Variants in CPNE8 observed in about 807,000 individuals in gnomAD.
CPNE8 encodes copine 8, also known as copine-8.
Under a neutral mutation model 81.5 loss-of-function variants are expected in CPNE8, and 45 were observed. That is an observed-to-expected ratio of 0.55 (90% CI 0.44 to 0.71). The LOEUF (loss-of-function observed/expected upper bound fraction) is 0.71. Among genes scored for constraint, CPNE8 ranks in the 30% least tolerant of loss-of-function variants. The pLI is 0.00. For missense variants in CPNE8, 594 were observed against 672.1 expected, an observed-to-expected ratio of 0.88 and a Z score of 1.28; for synonymous variants, 252 against 226.3, an observed-to-expected ratio of 1.11 and a Z score of -1.02.
intron 10 of CPNE8, among the ~76,000 whole-genome samples, chr12:38,747,096 C>T (rs1158962482): frequency 6.6e-6 from 1 of 152,304 alleles, no homozygotes; most frequent in Non-Finnish European, 1.5e-5. Flanking sequence ...AGCAACCAGA[C>T]TTTCTCAATT....
chr12:38,809,749 T>C (rs993332723), intron 6 of CPNE8, among the ~76,000 whole-genome samples: 1 of 152,144 alleles, frequency 6.6e-6, no homozygotes, highest in African/African-American at 2.4e-5. Context: ...GTTCCAAATC[T>C]CATCATCTAA....
chr12:38,842,401 GA>G (rs1318398028), intron 4 of CPNE8, among the ~76,000 whole-genome samples: 2 of 151,968 alleles, frequency 1.3e-5, no homozygotes, highest in Non-Finnish European at 2.9e-5. Context: ...GAAGTAAAAG[GA>G]AAATGTTTTC....
At chr12:38,707,227 T>G (rs1940130681) in intron 13 of CPNE8, among the ~76,000 whole-genome samples, 3 of 152,112 alleles carry the variant, frequency 2.0e-5, no homozygotes, top group African/African-American at 7.2e-5. Context: ...GGTGTGATGA[T>G]CTCTTCAGCC....
intron 1 of CPNE8, among the ~76,000 whole-genome samples, chr12:38,887,877 A>T (rs1033204023): frequency 6.6e-6 from 1 of 152,194 alleles, no homozygotes; most frequent in Non-Finnish European, 1.5e-5. Flanking sequence ...TATTTTTCTC[A>T]GTCTCTCCTC....
chr12:38,852,015 C>T (rs376277015), intron 3 of CPNE8, among the ~76,000 whole-genome samples: 1 of 152,192 alleles, frequency 6.6e-6, no homozygotes, highest in Non-Finnish European at 1.5e-5. Context: ...TAAGCCTCTG[C>T]TTAAATGTCA....
At chr12:38,701,392 C>T (rs1473922004) in intron 14 of CPNE8, among the ~76,000 whole-genome samples, 2 of 152,132 alleles carry the variant, frequency 1.3e-5, no homozygotes, top group Non-Finnish European at 2.9e-5. Context: ...TTAATAATTT[C>T]TTGCTTATCT....
chr12:38,675,877 T>C, intron 17 of CPNE8, 103 bp from the exon 18 acceptor site: 2 of 776,354 alleles, frequency 2.6e-6, no homozygotes, highest in Non-Finnish European at 4.3e-6. Context: ...CCCAGCACTG[T>C]GGGAGGCCAA....
chr12:38,873,836 T>C (rs1461782244), intron 2 of CPNE8, among the ~76,000 whole-genome samples: 2 of 152,244 alleles, frequency 1.3e-5, no homozygotes, highest in Admixed American at 1.3e-4. Flanking sequence ...CTTCTCACTT[T>C]ACAAGTTATC....
At chr12:38,762,017 C>T in intron 9 of CPNE8, 95 bp downstream of exon 9, 2 of 538,392 alleles carry the variant, frequency 3.7e-6, no homozygotes, top group Non-Finnish European at 6.1e-6. Context: ...TAAGTTTAAC[C>T]AAATTTTAAT....
intron 8 of CPNE8, among the ~76,000 whole-genome samples, chr12:38,765,605 A>C (rs1430979058): frequency 1.3e-5 from 2 of 152,164 alleles, no homozygotes; most frequent in Non-Finnish European, 2.9e-5. Flanking sequence ...TTGCAGTTAA[A>C]AATGGAGACA....
At chr12:38,793,398 T>G (rs555126260) in intron 6 of CPNE8, among the ~76,000 whole-genome samples, 1 of 151,388 alleles carries the variant, frequency 6.6e-6, no homozygotes, top group Non-Finnish European at 1.5e-5. Flanking sequence ...GGATATAAAA[T>G]CAGTATTAAA....
chr12:38,731,702 A>G (rs1333978152), intron 10 of CPNE8, among the ~76,000 whole-genome samples: 1 of 151,914 alleles, frequency 6.6e-6, no homozygotes, highest in African/African-American at 2.4e-5. Context: ...GCTCTGATAT[A>G]TTCCTATTTA....
chr12:38,806,924 T>A (rs909968967), intron 6 of CPNE8, among the ~76,000 whole-genome samples: 6 of 150,494 alleles, frequency 4.0e-5, no homozygotes, highest in Admixed American at 1.3e-4. Context: ...AAAATCAATG[T>A]ACAAAAATCA....
intron 11 of CPNE8, among the ~76,000 whole-genome samples, chr12:38,727,304 T>C (rs76002770): frequency 6.6e-6 from 1 of 152,292 alleles, no homozygotes; most frequent in South Asian, 2.1e-4. Context: ...ACAGTGGCTG[T>C]GTAAACCAAC....
intron 6 of CPNE8, among the ~76,000 whole-genome samples, chr12:38,787,342 G>A (rs1942216815): frequency 6.6e-6 from 1 of 151,904 alleles, no homozygotes; most frequent in African/African-American, 2.4e-5. Context: ...TTTAAAATAT[G>A]CTCCTGAAAT....
chr12:38,723,979 G>A (rs1028158327), intron 12 of CPNE8, 146 bp from the exon 13 acceptor site: 3 of 524,268 alleles, frequency 5.7e-6, no homozygotes, highest in Non-Finnish European at 1.0e-5. Context: ...AGGACTGATT[G>A]TTCTTACATT....
chr12:38,835,739 T>A (rs1171598533), intron 5 of CPNE8, among the ~76,000 whole-genome samples: 1 of 152,192 alleles, frequency 6.6e-6, no homozygotes, highest in Non-Finnish European at 1.5e-5. Flanking sequence ...TCAAATAAAA[T>A]TTTTAAATAT....
intron 19 of CPNE8, among the ~76,000 whole-genome samples, chr12:38,658,508 T>C (rs1938876465): frequency 6.6e-6 from 1 of 152,106 alleles, no homozygotes; most frequent in Non-Finnish European, 1.5e-5. Context: ...TTCCCCAACC[T>C]AGCAAGGCAA....
In CPNE8 at chr12:38,829,458, G is replaced by A; in HGVS notation, c.331-3C>T. 6.2e-7 allele frequency: 1 copy of A among 1,606,100 alleles called. No homozygotes were observed. The highest frequency in any genetic ancestry group is 1.1e-5 in the South Asian group (1 of 90,752). On this transcript the variant is annotated splice_region_variant and splice_polypyrimidine_tract_variant and intron_variant, in intron 5 of 19. Transcript: ENST00000331366. ...CAAAACACTTGTCCCAGAAAGTCCT[G>A]AAATAGATAAAAAGATTAAAGCTCA...
Sources: gnomAD v4.1 joint callset for allele counts (sites outside exome capture counted in the v4.1 genomes callset) on GRCh38, gnomAD v4.1.1 for gene constraint, MANE v1.5 for transcripts, NCBI Gene and HGNC (gene_info 2026-07-23, HGNC 2026-07-21) for gene names.